The following PKHD1 variants were observed in gnomAD, a reference collection of about 807,000 sequenced individuals.
The protein encoded by PKHD1 is fibrocystin.
PKHD1 carries 291 observed loss-of-function variants against 412.0 expected under a neutral mutation model. That is an observed-to-expected ratio of 0.71 (90% confidence interval 0.64 to 0.78). The LOEUF (loss-of-function observed/expected upper bound fraction) is 0.78. Ranked by LOEUF, PKHD1 falls within the 30% of genes least tolerant of loss-of-function variation. The pLI, the probability that PKHD1 is intolerant of heterozygous loss-of-function variation, is 0.00. For missense variants in PKHD1, 4,825 were observed against 4,950.7 expected (o/e 0.97, Z 0.76); for synonymous variants, 1,777 against 1,821.5 (o/e 0.98, Z 0.62).
At chr6:51,690,653 C>A (rs1192140563) in intron 60 of PKHD1, among the ~76,000 whole-genome samples, 1 of 152,198 alleles carries the variant, frequency 6.6e-6, no homozygotes. Flanking sequence ...TCACCATATA[C>A]GAAAATTAAC....
At chr6:51,976,954 A>AAAAAAAAAAAAAC (rs1488225063) in intron 35 of PKHD1, among the ~76,000 whole-genome samples, 4 of 151,640 alleles carry the variant, frequency 2.6e-5, no homozygotes, top group African/African-American at 9.7e-5. Context: ...TAAAAAAAAA[A>AAAAAAAAAAAAAC]AAAAAAAAAA....
chr6:51,955,968 T>C (rs191450285), intron 36 of PKHD1, among the ~76,000 whole-genome samples: 1 of 152,138 alleles, frequency 6.6e-6, no homozygotes, highest in African/African-American at 2.4e-5. Context: ...CTGTTGTTGT[T>C]GTTGATGATG....
At chr6:51,755,985 G>C in intron 55 of PKHD1, among the ~76,000 whole-genome samples, 1 of 151,832 alleles carries the variant, frequency 6.6e-6, no homozygotes, top group East Asian at 1.9e-4. Context: ...TAATACCATG[G>C]GAGTACATAT....
In PKHD1 at chr6:52,050,076, T is replaced by TG; in HGVS notation, c.2279+80dup. ...AAGCAACAAGACAGGTAGCTTTTCC[T>TG]GAAAAAAGTCACACCTGTGTCCCTC... On this transcript the variant is annotated intron_variant, in intron 22 of 66. Coordinates refer to ENST00000371117, the MANE Select transcript of PKHD1 (RefSeq NM_138694.4). 2.9e-6 allele frequency: 4 copies of TG among 1,401,770 alleles called. No homozygotes were observed. The Admixed American group carries it at 6.9e-5, about 24-fold the overall frequency. 86.8% of individuals were successfully genotyped at this position (1,401,770 alleles called of 1,614,324 possible).
chr6:51,939,703 C>T (rs971765219), intron 36 of PKHD1, among the ~76,000 whole-genome samples: 3 of 151,430 alleles, frequency 2.0e-5, no homozygotes, highest in Admixed American at 6.6e-5. Flanking sequence ...CAATGCGACT[C>T]ATCCCAAATC....
chr6:52,035,991 C>A (rs573116302), intron 27 of PKHD1, among the ~76,000 whole-genome samples: 2 of 152,166 alleles, frequency 1.3e-5, no homozygotes, highest in African/African-American at 2.4e-5. Flanking sequence ...TGCCACAAGT[C>A]TGAAGAGGTA....
Position 51,934,219 on chromosome 6 carries a change from G to C in PKHD1, c.6012C>G (p.Pro2004=). The part of the protein sequence containing the change: ...GELRIGSEDK[P]FQGRAQITLY... ...GTGTGATCTGAGCTCTGCCTTGGAA[G>C]GGCTTGTCTTCGGATCCAATCCGGA... Residue 2004 remains proline, a synonymous_variant, in exon 37 of 67, where the codon CCC becomes CCG. Transcript: ENST00000371117. 1 of 1,613,884 alleles carries C rather than the reference G, an allele frequency of 6.2e-7. No individual in the cohort carries two copies. Among genetic ancestry groups the C allele is most frequent in the East Asian group, 2.2e-5 (1 of 44,874 alleles).
At chr6:51,845,053 G>A (rs1469032973) in intron 50 of PKHD1, among the ~76,000 whole-genome samples, 1 of 152,160 alleles carries the variant, frequency 6.6e-6, no homozygotes, top group Non-Finnish European at 1.5e-5. Flanking sequence ...AAACAGTTAA[G>A]TGAAAGTTAC....
chr6:51,919,511 A>T (rs1360739788), intron 37 of PKHD1, among the ~76,000 whole-genome samples: 4 of 152,318 alleles, frequency 2.6e-5, no homozygotes, highest in South Asian at 4.1e-4. Flanking sequence ...TACAAGTACC[A>T]TGCTGTTTTG....
intron 66 of PKHD1, among the ~76,000 whole-genome samples, chr6:51,619,851 C>G (rs1581704420): frequency 6.6e-6 from 1 of 152,222 alleles, no homozygotes; most frequent in South Asian, 2.1e-4. Flanking sequence ...ACCAACAGGC[C>G]AACTTACCAA....
intron 60 of PKHD1, among the ~76,000 whole-genome samples, chr6:51,702,388 C>G (rs951020311): frequency 2.0e-5 from 3 of 151,330 alleles, no homozygotes; most frequent in African/African-American, 4.9e-5. Flanking sequence ...TATGAGGATG[C>G]AAAGGCGTAA....
At position 51,892,237 on chromosome 6, in the gene PKHD1, T is replaced by G. The variant is rs563233557; in HGVS notation, c.6997-4992A>C. Among the ~76,000 whole-genome samples, 5 of 152,316 alleles carry G rather than the reference T, an allele frequency of 3.3e-5. No individual in the cohort carries two copies. The South Asian group carries it at 1.0e-3, about 32-fold the overall frequency. On this transcript the variant is annotated intron_variant, in intron 43 of 66. Coordinates refer to ENST00000371117, the MANE Select transcript of PKHD1 (RefSeq NM_138694.4). ...CCTACCACAGGGTGCTCACCAAAAGTGACTTTTGGATATCACTGAATATTA... is the reference window on the plus strand; with the variant it reads ...CCTACCACAGGGTGCTCACCAAAAGGGACTTTTGGATATCACTGAATATTA...
Position 51,921,705 on chromosome 6 carries a change from C to T in PKHD1, c.6122-9129G>A, listed in dbSNP as rs1784736819. Among the ~76,000 whole-genome samples, 4 of 152,190 alleles carry T rather than the reference C, an allele frequency of 2.6e-5. No homozygotes were observed. In the South Asian group the frequency reaches 8.3e-4, roughly 32 times the overall value. On this transcript the variant is annotated intron_variant, in intron 37 of 66. Coordinates refer to ENST00000371117, the MANE Select transcript of PKHD1 (RefSeq NM_138694.4). Reference sequence around the variant, plus strand: ...TCTTCAATCACTGATACCCTTTCTTCCACTTGATTAAATCGGCTACTGAAG... The same window carrying T: ...TCTTCAATCACTGATACCCTTTCTTTCACTTGATTAAATCGGCTACTGAAG...
rs534712512 is a variant in PKHD1, at chr6:51,990,257, G to A, written c.5751+20052C>T. 7.2e-5 allele frequency among the ~76,000 whole-genome samples: 11 copies of A among 152,068 alleles called. No homozygotes were observed. The South Asian group carries it at 2.1e-3, about 29-fold the overall frequency. ...CTGATAGTGGCATCAATCGTAGCCT[G>A]ACACGAGCTGGGGTCAACCATTTAT... On this transcript the variant is annotated intron_variant, in intron 35 of 66. Transcript: ENST00000371117.
At chr6:51,938,266 G>A (rs559554684) in intron 36 of PKHD1, among the ~76,000 whole-genome samples, 1 of 152,308 alleles carries the variant, frequency 6.6e-6, no homozygotes, top group Admixed American at 6.5e-5. Flanking sequence ...CCCAAGCTAA[G>A]CCATCATATC....
At chr6:52,031,898 G>T (rs1026013715) in intron 29 of PKHD1, among the ~76,000 whole-genome samples, 2 of 152,168 alleles carry the variant, frequency 1.3e-5, no homozygotes, top group Admixed American at 1.3e-4. Flanking sequence ...GGAGCACTTG[G>T]TCAACTGTCA....
intron 37 of PKHD1, among the ~76,000 whole-genome samples, chr6:51,923,401 G>C (rs1250821212): frequency 1.3e-5 from 2 of 152,190 alleles, no homozygotes; most frequent in East Asian, 3.9e-4. Context: ...CTACACAAAT[G>C]GGTGTGGCTG....
At chr6:51,740,262 T>A (rs1054633739) in intron 60 of PKHD1, among the ~76,000 whole-genome samples, 1 of 152,198 alleles carries the variant, frequency 6.6e-6, no homozygotes, top group African/African-American at 2.4e-5. Flanking sequence ...CAAAACCCAC[T>A]GGCAGAGTGT....
At chr6:52,053,938 A>C in intron 20 of PKHD1, 100 bp downstream of exon 20, 1 of 1,277,518 alleles carries the variant, frequency 7.8e-7, no homozygotes, top group Non-Finnish European at 1.1e-6. Flanking sequence ...ATGAGGCCCA[A>C]ATATAAGACC....
Sources: gnomAD v4.1 joint callset for allele counts (sites outside exome capture counted in the v4.1 genomes callset) on GRCh38, gnomAD v4.1.1 for gene constraint, MANE v1.5 for transcripts, NCBI Gene and HGNC (gene_info 2026-07-23, HGNC 2026-07-21) for gene names.